Variants in ERBB4 observed in about 807,000 individuals in gnomAD.
The protein encoded by ERBB4 is erb-b2 receptor tyrosine kinase 4.
Under a neutral mutation model 158.0 loss-of-function variants are expected in ERBB4, and 42 were observed. The observed-to-expected ratio is 0.27, with a 90% CI of 0.21 to 0.34. The LOEUF (loss-of-function observed/expected upper bound fraction) is 0.34. Ranked by LOEUF, ERBB4 falls within the 10% of genes least tolerant of loss-of-function variation. ERBB4 has a pLI of 1.00. For synonymous variants in ERBB4, 583 were observed against 558.7 expected, an observed-to-expected ratio of 1.04 and a Z score of -0.61; for missense variants, 1,333 against 1,624.1, an observed-to-expected ratio of 0.82 and a Z score of 3.08.
intron 1 of ERBB4, among the ~76,000 whole-genome samples, chr2:212,481,078 T>C (rs1689670474): frequency 6.6e-6 from 1 of 152,186 alleles, no homozygotes; most frequent in Non-Finnish European, 1.5e-5. Context: ...ACAACACATA[T>C]ATACATATAA....
intron 2 of ERBB4, among the ~76,000 whole-genome samples, chr2:212,084,140 T>C (rs1161792976): frequency 6.6e-6 from 1 of 151,928 alleles, no homozygotes; most frequent in African/African-American, 2.4e-5. Context: ...GAGTCGATTG[T>C]ACACACATAT....
chr2:212,297,335 T>C (rs990228573), intron 1 of ERBB4, among the ~76,000 whole-genome samples: 2 of 149,858 alleles, frequency 1.3e-5, no homozygotes, highest in South Asian at 2.1e-4. Flanking sequence ...GATTTGTTGT[T>C]GGATTACATT....
At chr2:212,218,813 G>A (rs565803302) in intron 1 of ERBB4, among the ~76,000 whole-genome samples, 3 of 151,422 alleles carry the variant, frequency 2.0e-5, no homozygotes, top group African/African-American at 7.2e-5. Flanking sequence ...TTTCATGTAT[G>A]TTTCTTAATT....
chr2:212,325,880 T>C (rs1188599997), intron 1 of ERBB4, among the ~76,000 whole-genome samples: 1 of 150,592 alleles, frequency 6.6e-6, no homozygotes, highest in African/African-American at 2.4e-5. Context: ...CATATTATTT[T>C]CCAAATGAAA....
chr2:212,160,053 T>G (rs138514164), intron 1 of ERBB4, among the ~76,000 whole-genome samples: 2 of 152,122 alleles, frequency 1.3e-5, no homozygotes, highest in African/African-American at 4.8e-5. Context: ...TTCAAACTAT[T>G]CAGTTTCTCT....
At chr2:211,673,405 C>A in intron 13 of ERBB4, 148 bp from the exon 14 acceptor site, 1 of 687,848 alleles carries the variant, frequency 1.5e-6, no homozygotes, top group Non-Finnish European at 2.6e-6. Flanking sequence ...ATTAAGTTTT[C>A]CATTAGGAGA....
chr2:211,383,568 G>C lies in ERBB4; in HGVS notation c.*47C>G, dbSNP rs1343065916. The stretch of plus-strand genomic sequence containing the variant: ...CACCAGAGAAAGAGAGGGGGGTGGG[G>C]AAATTGGAGCAGGTGTGTCTCTCCA... On this transcript the variant is annotated 3_prime_UTR_variant, in exon 28 of 28. Coordinates refer to ENST00000342788, the MANE Select transcript of ERBB4 (RefSeq NM_005235.3). 1.3e-6 allele frequency: 2 copies of C among 1,506,342 alleles called. No homozygotes were observed. Among genetic ancestry groups the C allele is most frequent in the Non-Finnish European group, 1.8e-6 (2 of 1,084,330 alleles). The allele number at this position is 1,506,342 out of a possible 1,614,324, so 93.3% of individuals were successfully genotyped here. A position where few individuals can be genotyped will look rare whatever the true frequency, so the allele number is the denominator to read the frequency against.
chr2:212,238,199 C>A (rs1353606174), intron 1 of ERBB4, among the ~76,000 whole-genome samples: 1 of 152,232 alleles, frequency 6.6e-6, no homozygotes, highest in Non-Finnish European at 1.5e-5. Context: ...ACCCAGGGCC[C>A]TGGTGGCATA....
At chr2:211,829,758 C>A (rs1172309740) in intron 3 of ERBB4, among the ~76,000 whole-genome samples, 6 of 152,120 alleles carry the variant, frequency 3.9e-5, no homozygotes, top group African/African-American at 1.4e-4. Context: ...CCTTCATTGC[C>A]TTTAAAGCTC....
intron 3 of ERBB4, among the ~76,000 whole-genome samples, chr2:211,932,360 T>G (rs893518243): frequency 2.0e-5 from 3 of 151,990 alleles, no homozygotes; most frequent in African/African-American, 7.2e-5. Flanking sequence ...TGTTTTACAT[T>G]TTTTCATGGG....
rs2062590924 is a variant in ERBB4 at position 211,382,573 on chromosome 2, A to G, written c.*1042T>C. ...AGTATCTGCCAGGTAGACATACCCA[A>G]TCCAGTGTGTTTCTTCCAGTTCAAT... is the stretch of plus-strand genomic sequence containing the variant. On this transcript the variant is annotated 3_prime_UTR_variant, in exon 28 of 28. Coordinates refer to ENST00000342788, the MANE Select transcript of ERBB4 (RefSeq NM_005235.3). 1.3e-5 allele frequency: 3 copies of G among 233,028 alleles called. No homozygotes were observed. The highest frequency in any genetic ancestry group is 3.6e-4 in the South Asian group (2 of 5,534). 14.4% of individuals were successfully genotyped at this position (233,028 alleles called of 1,614,324 possible).
chr2:211,490,881 T>G (rs991189521), intron 20 of ERBB4, among the ~76,000 whole-genome samples: 2 of 152,074 alleles, frequency 1.3e-5, no homozygotes, highest in Non-Finnish European at 1.5e-5. Context: ...TGCAAGCATA[T>G]TATTGTTTGC....
chr2:211,900,329 C>A (rs1051007979), intron 3 of ERBB4, among the ~76,000 whole-genome samples: 3 of 151,698 alleles, frequency 2.0e-5, no homozygotes, highest in African/African-American at 7.3e-5. Context: ...GAACATTTAA[C>A]CTTTCTGCTG....
intron 20 of ERBB4, among the ~76,000 whole-genome samples, chr2:211,496,429 T>C (rs2065471370): frequency 6.6e-6 from 1 of 152,030 alleles, no homozygotes; most frequent in Admixed American, 6.6e-5. Flanking sequence ...TCTTTCTATA[T>C]GTTAATAGCA....
At chr2:212,050,622 T>TA (rs879379121) in intron 2 of ERBB4, among the ~76,000 whole-genome samples, 2 of 152,112 alleles carry the variant, frequency 1.3e-5, no homozygotes, top group Non-Finnish European at 2.9e-5. Flanking sequence ...ACTTCCAAAA[T>TA]AAAAAAGTAG....
intron 2 of ERBB4, among the ~76,000 whole-genome samples, chr2:212,111,717 T>G (rs1356578135): frequency 6.6e-6 from 1 of 152,066 alleles, no homozygotes; most frequent in Non-Finnish European, 1.5e-5. Context: ...TGCTACTCAA[T>G]CATCTATTAA....
chr2:211,610,769 T>C (rs1364837141), intron 19 of ERBB4, among the ~76,000 whole-genome samples: 1 of 152,168 alleles, frequency 6.6e-6, no homozygotes, highest in African/African-American at 2.4e-5. Flanking sequence ...ACAACTGATT[T>C]CCATTTACTA....
Position 211,565,918 on chromosome 2 carries a change from G to A in ERBB4, c.2302-3830C>T, listed in dbSNP as rs1275686214. On this transcript the variant is annotated intron_variant, in intron 19 of 27. Transcript: ENST00000342788. ...AAACTGAAATCATTGTTTTTCACAT[G>A]GCTTCCAAGTAAAAAAGATACTTCA... Among the ~76,000 whole-genome samples, 3 of 152,122 alleles carry A rather than the reference G, an allele frequency of 2.0e-5. No homozygotes were observed. The East Asian group carries it at 5.8e-4, about 29-fold the overall frequency.
chr2:211,404,177 C>T lies in ERBB4; in HGVS notation c.3136-16185G>A, dbSNP rs183644109. ...AGCGTTATTTTTGCAACTGCCCTAC[C>T]GGAGCTCAACTCTTGATTTATCTCT... On this transcript the variant is annotated intron_variant, in intron 25 of 27. Coordinates refer to ENST00000342788, the MANE Select transcript of ERBB4 (RefSeq NM_005235.3). Among the ~76,000 whole-genome samples the T allele has an allele frequency of 7.2e-5, 11 of 152,138 alleles. No homozygotes were observed. In the East Asian group the frequency reaches 1.2e-3, roughly 16 times the overall value.
Sources: allele counts gnomAD v4.1 joint callset (sites outside exome capture counted in the v4.1 genomes callset), GRCh38; gene constraint gnomAD v4.1.1; transcripts MANE v1.5; gene names NCBI Gene and HGNC (gene_info 2026-07-23, HGNC 2026-07-21).